MELTF: variants seen among roughly 807,000 people sequenced by gnomAD.
MELTF encodes the protein melanotransferrin.
Under a neutral mutation model 83.7 loss-of-function variants are expected in MELTF, and 67 were observed. That is an observed-to-expected ratio of 0.80 (90% CI 0.66 to 0.98). The LOEUF (loss-of-function observed/expected upper bound fraction) is 0.98, where lower values mean the gene tolerates loss of function less well. Ranked by LOEUF, MELTF falls within the 50% of genes least tolerant of loss-of-function variation. MELTF has a pLI of 0.00. For synonymous variants in MELTF, 462 were observed against 447.6 expected (o/e 1.03, Z -0.41); for missense variants, 1,002 against 1,035.6 (o/e 0.97, Z 0.44).
intron 3 of MELTF, chr3:197,026,450 G>C (rs1719858374): frequency 1.7e-6 from 1 of 576,370 alleles, no homozygotes; most frequent in Admixed American, 2.9e-5. Flanking sequence ...CTCCCTGCGG[G>C]CAAGAGCAGA....
intron 10 of MELTF, 137 bp from the exon 11 acceptor site, chr3:197,009,949 G>C (rs1490880960): frequency 1.2e-6 from 1 of 810,734 alleles, no homozygotes; most frequent in South Asian, 1.8e-5. Context: ...CCAGGCCTGA[G>C]GCCAGGGTGT....
rs749332252 is a variant in MELTF at position 197,023,015 on chromosome 3, C to A, written c.586G>T (p.Glu196Ter). 1 of 1,613,770 alleles carries A rather than the reference C, an allele frequency of 6.2e-7. No homozygotes were observed. The highest frequency in any genetic ancestry group is 1.1e-5 in the South Asian group (1 of 91,076). ...AGGGGGCTCTTGTCACACACCCCTTCCCCAGAGCTGTCACCCCTGCAGAGG... is the reference window on the plus strand; with the variant it reads ...AGGGGGCTCTTGTCACACACCCCTTACCCAGAGCTGTCACCCCTGCAGAGG... ...CRLCRGDSSG[E>*]GVCDKSPLER... Residue 196 changes from glutamate (E) to a stop codon, truncating the protein, a stop_gained, in exon 5 of 16, where the codon GAA becomes TAA. Coordinates refer to ENST00000296350, the MANE Select transcript of MELTF (RefSeq NM_005929.6). LOFTEE classifies it high-confidence loss of function.
rs1204688027 is a variant in MELTF at position 197,022,288 on chromosome 3, G to A, written c.644+669C>T. On this transcript the variant is annotated intron_variant, in intron 5 of 15. Coordinates refer to ENST00000296350, the MANE Select transcript of MELTF (RefSeq NM_005929.6). The surrounding 1 kb of genome is among the most constrained non-coding windows in gnomAD (Gnocchi z 5.1). ...TCTGAGGCTCCAAGAGAGCCAGAGA[G>A]AATGTGTGCATGGCCAAGGACACGG... Among the ~76,000 whole-genome samples, 1 of 152,182 alleles carries A rather than the reference G, an allele frequency of 6.6e-6. No individual in the cohort carries two copies. Among genetic ancestry groups the A allele is most frequent in the Non-Finnish European group, 1.5e-5 (1 of 68,032 alleles).
At chr3:197,016,080 A>G in intron 8 of MELTF, 109 bp downstream of exon 8, 1 of 966,284 alleles carries the variant, frequency 1.0e-6, no homozygotes, top group South Asian at 2.1e-5. Flanking sequence ...AGGTTCCCGC[A>G]GAGGCCTCCC....
chr3:197,013,147 AAGAT>A (rs879771002), intron 9 of MELTF, among the ~76,000 whole-genome samples: 7 of 152,226 alleles, frequency 4.6e-5, no homozygotes, highest in Non-Finnish European at 1.0e-4. Context: ...AAAAAGAACA[AAGAT>A]AGAGGCATAG....
At position 197,021,411 on chromosome 3, in the gene MELTF, G is replaced by A. The variant is rs776560990; in HGVS notation, c.705C>T (p.Asn235=). ...TGCCCCTCCCCCACTCACCATCCGT[G>A]TTCTCCAGTACCGTGCTGTGCTTCA... The part of the protein sequence containing the change: ...AFVKHSTVLE[N]TDGKTLPSWG... The change falls in exon 6 of 16, where the codon AAC becomes AAT. Residue 235 remains asparagine (N), a synonymous_variant. Transcript: ENST00000296350. 4 of 1,613,866 alleles carry A rather than the reference G, an allele frequency of 2.5e-6. No homozygotes were observed. The highest frequency in any genetic ancestry group is 2.2e-5 in the South Asian group (2 of 91,080).
rs1359317270 is a variant in MELTF at position 197,029,793 on chromosome 3, G to A, written c.-91C>T. 6 of 930,978 alleles carry A rather than the reference G, an allele frequency of 6.4e-6. No homozygotes were observed. Among genetic ancestry groups the A allele is most frequent in the Non-Finnish European group, 7.0e-6 (5 of 714,648 alleles). The allele number at this position is 930,978 out of a possible 1,614,324, so 57.7% of individuals were successfully genotyped here. ...CCGGGCTTCCTCCCTGCTCCCCCTC[G>A]CGCTGGCCCGAGCTCCTTAAGTGCG... On this transcript the variant is annotated 5_prime_UTR_variant, in exon 1 of 16. Transcript: ENST00000296350. The surrounding 1 kb of genome is among the most constrained non-coding windows in gnomAD (Gnocchi z 6.5).
rs903954376 is a variant in MELTF at position 197,008,403 on chromosome 3, G to A, written c.1750+254C>T. On this transcript the variant is annotated intron_variant, in intron 13 of 15. Coordinates refer to ENST00000296350, the MANE Select transcript of MELTF (RefSeq NM_005929.6). This position sits in a 1 kb window ranked among gnomAD's most constrained non-coding sequence, Gnocchi z 5.4. ...GATTGACTGGGATTGAGTTTCTACC[G>A]TTTCGGTGGATTAGGGACTTGAATT... is the stretch of plus-strand genomic sequence containing the variant. 1.2e-4 allele frequency among the ~76,000 whole-genome samples: 19 copies of A among 152,138 alleles called. No homozygotes were observed. The highest frequency in any genetic ancestry group is 3.4e-4 in the African/African-American group (14 of 41,412).
Position 197,001,833 on chromosome 3 carries a change from G to A in MELTF, c.*1539C>T, listed in dbSNP as rs1198975233. The stretch of plus-strand genomic sequence containing the variant: ...GTTTCATTAGCACTGACACAGCAGG[G>A]GTCCCCTGCTGCCACCTGACAATCC... On this transcript the variant is annotated 3_prime_UTR_variant, in exon 16 of 16. Transcript: ENST00000296350. 6.6e-6 allele frequency: 1 copy of A among 152,040 alleles called. No homozygotes were observed. Among genetic ancestry groups the A allele is most frequent in the African/African-American group, 2.4e-5 (1 of 41,358 alleles). The allele number at this position is 152,040 out of a possible 1,614,324, so 9.4% of individuals were successfully genotyped here. A position where few individuals can be genotyped will look rare whatever the true frequency, so the allele number is the denominator to read the frequency against.
chr3:197,019,682 G>C (rs1719541043), intron 6 of MELTF: 1 of 1,613,942 alleles, frequency 6.2e-7, no homozygotes, highest in African/African-American at 1.3e-5. Flanking sequence ...CTGTGAACGG[G>C]AGCCCATTTC....
At position 197,015,506 on chromosome 3, in the gene MELTF, G is replaced by C; in HGVS notation, c.1092C>G (p.Pro364=). Reference sequence around the variant, plus strand: ...TGGAGAGCACACACCAGCGCAGGTAGGGGGGCAGCCCTGGGGTGGGGCAAG... The same window carrying C: ...TGGAGAGCACACACCAGCGCAGGTACGGGGGCAGCCCTGGGGTGGGGCAAG... ...GLLCDPNRLP[P]YLRWCVLSTP... The change falls in exon 9 of 16, where the codon CCC becomes CCG. Residue 364 remains proline, a synonymous_variant. Coordinates refer to ENST00000296350, the MANE Select transcript of MELTF (RefSeq NM_005929.6). The C allele has an allele frequency of 2.5e-6, 4 of 1,610,878 alleles. No homozygotes were observed. The highest frequency in any genetic ancestry group is 3.4e-6 in the Non-Finnish European group (4 of 1,178,664).
At chr3:197,018,844 A>G (rs1719504538) in intron 6 of MELTF, 1 of 792,396 alleles carries the variant, frequency 1.3e-6, no homozygotes. Flanking sequence ...AACTTTCCAT[A>G]AGTTCATTTG....
At chr3:197,025,250 C>T (rs866745989) in intron 3 of MELTF, among the ~76,000 whole-genome samples, 43 of 152,320 alleles carry the variant, frequency 2.8e-4, no homozygotes, top group Middle Eastern at 6.8e-3. Context: ...GTGTGGGAGG[C>T]CATATCAGAA....
intron 9 of MELTF, 106 bp from the exon 10 acceptor site, chr3:197,010,900 T>C: frequency 1.1e-6 from 1 of 943,838 alleles, no homozygotes. Flanking sequence ...GTTTGTGGCC[T>C]CAGGCTTCCT....
At position 197,006,579 on chromosome 3, in the gene MELTF, G is replaced by A. The variant is rs770838971; in HGVS notation, c.1908C>T (p.Phe636=). 26 of 1,613,794 alleles carry A rather than the reference G, an allele frequency of 1.6e-5. No individual in the cohort carries two copies. The Middle Eastern group carries it at 8.3e-4, about 51-fold the overall frequency. Residue 636 remains phenylalanine, a synonymous_variant, in exon 14 of 16, where the codon TTC becomes TTT. Coordinates refer to ENST00000296350, the MANE Select transcript of MELTF (RefSeq NM_005929.6). The surrounding 1 kb of genome is among the most constrained non-coding windows in gnomAD (Gnocchi z 5.4). ...AVMVRPDTNI[F]TVYGLLDKAQ... ...CCTTGTCCAGCAGTCCATACACGGT[G>A]AAGATGTTGGTGTCGGGCCGGACCA...
rs2148597221 is a variant in MELTF at position 197,029,609 on chromosome 3, C to T, written c.49+45G>A. 6 of 1,235,594 alleles carry T rather than the reference C, an allele frequency of 4.9e-6. No individual in the cohort carries two copies. The highest frequency in any genetic ancestry group is 1.6e-5 in the African/African-American group (1 of 64,454). The allele number at this position is 1,235,594 out of a possible 1,614,324, so 76.5% of individuals were successfully genotyped here. A position where few individuals can be genotyped will look rare whatever the true frequency, so the allele number is the denominator to read the frequency against. ...GGACCTGCTCAGCCGGGCCGCGGCG[C>T]CCCGGGACCCCCGCCCGCCTTTGGC... On this transcript the variant is annotated intron_variant, in intron 1 of 15. Coordinates refer to ENST00000296350, the MANE Select transcript of MELTF (RefSeq NM_005929.6). The surrounding 1 kb of genome is among the most constrained non-coding windows in gnomAD (Gnocchi z 6.5).
In MELTF at chr3:197,002,539, G is replaced by A. The variant is rs956868562; in HGVS notation, c.*833C>T. On this transcript the variant is annotated 3_prime_UTR_variant, in exon 16 of 16. Coordinates refer to ENST00000296350, the MANE Select transcript of MELTF (RefSeq NM_005929.6). ...ACCCAGAAGCATGGCGGGTCCCCAC[G>A]CGCAGCCCTTCAGGGGCCTCGGGAG... is the stretch of plus-strand genomic sequence containing the variant. The A allele has an allele frequency of 1.2e-4, 18 of 152,314 alleles. No homozygotes were observed. Among genetic ancestry groups the A allele is most frequent in the African/African-American group, 3.6e-4 (15 of 41,584 alleles). 9.4% of individuals were successfully genotyped at this position (152,314 alleles called of 1,614,324 possible).
chr3:197,004,058 C>T lies in MELTF; in HGVS notation c.1980G>A (p.Met660Ile), dbSNP rs1718886042. ...GDDHNKNGFK[M>I]FDSSNYHGQD... The stretch of plus-strand genomic sequence containing the variant: ...GGCCATGATAGTTGGAGGAGTCGAA[C>T]ATTTTGAACCCGTTCTTATTGTGGT... Residue 660 changes from methionine to isoleucine, a missense_variant, in exon 15 of 16, where the codon ATG becomes ATA. Physicochemically the swap from Met to Ile is conservative, Grantham distance 10 (BLOSUM62 1). Transcript: ENST00000296350. 1 of 1,614,172 alleles carries T rather than the reference C, an allele frequency of 6.2e-7. No homozygotes were observed. The highest frequency in any genetic ancestry group is 8.5e-7 in the Non-Finnish European group (1 of 1,180,024).
At position 197,008,842 on chromosome 3, in the gene MELTF, T is replaced by C. The variant is rs1342459475; in HGVS notation, c.1649A>G (p.Gln550Arg). The stretch of plus-strand genomic sequence containing the variant: ...GCCGCGGTAGCCGTAATACCGCTCC[T>C]GGCTGTTGCCCACACACTTGTTGCG... ...QGRNKCVGNS[Q>R]ERYYGYRGAF... is the part of the protein sequence containing the mutation. The change falls in exon 12 of 16, where the codon CAG becomes CGG. Residue 550 changes from glutamine to arginine, a missense_variant. By Grantham distance (43) the Gln-to-Arg change is conservative. Coordinates refer to ENST00000296350, the MANE Select transcript of MELTF (RefSeq NM_005929.6). The surrounding 1 kb of genome is among the most constrained non-coding windows in gnomAD (Gnocchi z 5.4). The C allele has an allele frequency of 6.2e-7, 1 of 1,614,026 alleles. No homozygotes were observed. The highest frequency in any genetic ancestry group is 1.3e-5 in the African/African-American group (1 of 74,928).
Sources: gnomAD v4.1 joint callset for allele counts (sites outside exome capture counted in the v4.1 genomes callset) on GRCh38, gnomAD v4.1.1 for gene constraint, Gnocchi (gnomAD v3.1) non-coding constraint, MANE v1.5 for transcripts, NCBI Gene and HGNC (gene_info 2026-07-23, HGNC 2026-07-21) for gene names.